COX7B2: variants seen among roughly 807,000 people sequenced by gnomAD.
The protein encoded by COX7B2 is cytochrome c oxidase subunit 7B2.
For synonymous variants in COX7B2, 37 were observed against 32.1 expected, an observed-to-expected ratio of 1.15 and a Z score of -0.51; for missense variants, 109 against 95.9, an observed-to-expected ratio of 1.14 and a Z score of -0.57.
intron 2 of COX7B2, among the ~76,000 whole-genome samples, chr4:46,758,271 TAGAG>T (rs76396713): frequency 0.33 from 49,631 of 151,640 alleles, 8,331 homozygotes; most frequent in South Asian, 0.47. Flanking sequence ...TAATGAGGTA[TAGAG>T]CTAAACTGAG....
chr4:46,895,618 T>C (rs1220772254), intron 1 of COX7B2, among the ~76,000 whole-genome samples: 1 of 152,178 alleles, frequency 6.6e-6, no homozygotes. Flanking sequence ...ATAATAAACC[T>C]GCACATATAC....
intron 2 of COX7B2, among the ~76,000 whole-genome samples, chr4:46,840,222 G>A (rs1715839354): frequency 6.6e-6 from 1 of 151,962 alleles, no homozygotes; most frequent in Non-Finnish European, 1.5e-5. Flanking sequence ...AGGAAGATGA[G>A]GCAAAAATCT....
At position 46,749,793 on chromosome 4, in the gene COX7B2, C is replaced by T. The variant is rs559432421; in HGVS notation, c.-49-14552G>A. Among the ~76,000 whole-genome samples, 4 of 152,242 alleles carry T rather than the reference C, an allele frequency of 2.6e-5. No homozygotes were observed. In the South Asian group the frequency reaches 8.3e-4, roughly 32 times the overall value. On this transcript the variant is annotated intron_variant, in intron 2 of 2. Coordinates refer to ENST00000355591, the MANE Select transcript of COX7B2 (RefSeq NM_130902.3). Reference sequence around the variant, plus strand: ...AAGGTTGTGTCAGGCCTAATGCTTTCATAGGGACAAAGTATGAGAATCTGC... The same window carrying T: ...AAGGTTGTGTCAGGCCTAATGCTTTTATAGGGACAAAGTATGAGAATCTGC...
intron 1 of COX7B2, among the ~76,000 whole-genome samples, chr4:46,868,403 T>C (rs756950346): frequency 6.6e-6 from 1 of 152,214 alleles, no homozygotes; most frequent in Non-Finnish European, 1.5e-5. Flanking sequence ...TTTCTTATCT[T>C]CTGCTAGCTT....
At chr4:46,907,822 A>G (rs1720487243) in intron 1 of COX7B2, among the ~76,000 whole-genome samples, 1 of 145,348 alleles carries the variant, frequency 6.9e-6, no homozygotes, top group Non-Finnish European at 1.5e-5. Flanking sequence ...AGTCAAAACA[A>G]TATAAAAGAT....
At chr4:46,888,784 T>C (rs1174293071) in intron 1 of COX7B2, among the ~76,000 whole-genome samples, 1 of 152,176 alleles carries the variant, frequency 6.6e-6, no homozygotes, top group Non-Finnish European at 1.5e-5. Context: ...TGATATTACT[T>C]CCCTACTGTG....
chr4:46,832,236 G>T (rs1407111678), intron 2 of COX7B2, among the ~76,000 whole-genome samples: 1 of 152,130 alleles, frequency 6.6e-6, no homozygotes, highest in Non-Finnish European at 1.5e-5. Context: ...GCGAAGGTCT[G>T]CAGCTTCACT....
At position 46,865,444 on chromosome 4, in the gene COX7B2, C is replaced by T. The variant is rs928761873; in HGVS notation, c.-104-20430G>A. Among the ~76,000 whole-genome samples, 8 of 152,278 alleles carry T rather than the reference C, an allele frequency of 5.3e-5. No homozygotes were observed. In the South Asian group the frequency reaches 1.0e-3, roughly 20 times the overall value. ...ATGTGCAAGTATCTTTTTCATATAA[C>T]AACCTCTTCTCCTTTGGTCCATTAC... On this transcript the variant is annotated intron_variant, in intron 1 of 2. Coordinates refer to ENST00000355591, the MANE Select transcript of COX7B2 (RefSeq NM_130902.3).
intron 2 of COX7B2, among the ~76,000 whole-genome samples, chr4:46,786,324 T>C (rs982583267): frequency 6.6e-6 from 1 of 152,214 alleles, no homozygotes; most frequent in African/African-American, 2.4e-5. Context: ...CTTGTACATG[T>C]GAAACATACT....
At chr4:46,828,932 TAAAA>T (rs1177221978) in intron 2 of COX7B2, among the ~76,000 whole-genome samples, 1 of 152,074 alleles carries the variant, frequency 6.6e-6, no homozygotes, top group South Asian at 2.1e-4. Flanking sequence ...GCATATAAAA[TAAAA>T]AAATGTATTT....
intron 2 of COX7B2, among the ~76,000 whole-genome samples, chr4:46,758,070 ATT>A (rs1560358477): frequency 1.3e-5 from 2 of 152,074 alleles, no homozygotes; most frequent in African/African-American, 2.4e-5. Context: ...TGGTAATTTC[ATT>A]CTATAAGTAT....
intron 1 of COX7B2, among the ~76,000 whole-genome samples, chr4:46,879,648 A>G (rs1261602236): frequency 4.6e-5 from 7 of 150,996 alleles, no homozygotes; most frequent in African/African-American, 1.7e-4. Flanking sequence ...TTTTTCTTTT[A>G]TTGTACCTCT....
At chr4:46,829,665 G>T (rs931527347) in intron 2 of COX7B2, among the ~76,000 whole-genome samples, 1 of 152,160 alleles carries the variant, frequency 6.6e-6, no homozygotes, top group Non-Finnish European at 1.5e-5. Flanking sequence ...CTTTGTGAAA[G>T]AAGCAACATT....
chr4:46,761,393 T>C (rs1453857824), intron 2 of COX7B2, among the ~76,000 whole-genome samples: 1 of 152,138 alleles, frequency 6.6e-6, no homozygotes, highest in Admixed American at 6.6e-5. Context: ...ACATTACAAA[T>C]GGCCTTCACT....
intron 2 of COX7B2, among the ~76,000 whole-genome samples, chr4:46,820,830 A>AT (rs1714223568): frequency 1.4e-5 from 2 of 145,358 alleles, no homozygotes; most frequent in African/African-American, 5.1e-5. Flanking sequence ...TCAAAAAAAA[A>AT]AAAAATATAT....
At chr4:46,859,527 G>A (rs1041724653) in intron 1 of COX7B2, among the ~76,000 whole-genome samples, 2 of 152,176 alleles carry the variant, frequency 1.3e-5, no homozygotes, top group African/African-American at 4.8e-5. Flanking sequence ...AAGCCCGAGA[G>A]GTCTGTCTGG....
intron 2 of COX7B2, among the ~76,000 whole-genome samples, chr4:46,844,601 T>C (rs1197201725): frequency 2.0e-5 from 3 of 152,060 alleles, no homozygotes; most frequent in South Asian, 2.1e-4. Flanking sequence ...TCTAAGCATG[T>C]AGTACTTGGC....
intron 2 of COX7B2, among the ~76,000 whole-genome samples, chr4:46,744,001 A>G (rs753950715): frequency 6.6e-6 from 1 of 152,166 alleles, no homozygotes; most frequent in Non-Finnish European, 1.5e-5. Context: ...CACTCATAAG[A>G]GCAATGAACT....
At chr4:46,832,992 G>A (rs1010514832) in intron 2 of COX7B2, among the ~76,000 whole-genome samples, 19 of 151,456 alleles carry the variant, frequency 1.3e-4, no homozygotes, top group African/African-American at 2.7e-4. Flanking sequence ...CACAACCTCC[G>A]CCTCCCGGGT....
Sources: gnomAD v4.1 joint callset for allele counts (sites outside exome capture counted in the v4.1 genomes callset) on GRCh38, gnomAD v4.1.1 for gene constraint, MANE v1.5 for transcripts, NCBI Gene and HGNC (gene_info 2026-07-23, HGNC 2026-07-21) for gene names.